ZNF704: variants seen among roughly 807,000 people sequenced by gnomAD.
The protein encoded by ZNF704 is glucocorticoid induced gene 1.
Under a neutral mutation model 44.7 loss-of-function variants are expected in ZNF704, and 10 were observed. The observed-to-expected ratio is 0.22, with a 90% confidence interval of 0.14 to 0.38. The LOEUF is 0.38. Among genes scored for constraint, ZNF704 ranks in the 10% least tolerant of loss-of-function variants. The probability of loss-of-function intolerance (pLI) is 1.00; values close to 1 mark genes in which losing one functional copy is unlikely to be tolerated. For synonymous variants in ZNF704, 211 were observed against 207.6 expected (o/e 1.02, Z -0.14); for missense variants, 390 against 545.5 (o/e 0.71, Z 2.84).
Position 80,816,446 on chromosome 8 carries a change from G to C in ZNF704, c.221+4928C>G, listed in dbSNP as rs113164609. On this transcript the variant is annotated intron_variant, in intron 2 of 8. Transcript: ENST00000327835. ...TATGAAATAAAATATTTTGGCAAAT[G>C]AATGAAGTACTGACACATGCTATCA... Among the ~76,000 whole-genome samples the C allele has an allele frequency of 3.7e-3, 566 of 152,272 alleles. 5 individuals carry two copies. Among genetic ancestry groups the C allele is most frequent in the African/African-American group, 0.013 (547 of 41,564 alleles).
intron 1 of ZNF704, among the ~76,000 whole-genome samples, chr8:80,826,828 T>C (rs1256175691): frequency 2.0e-5 from 3 of 152,122 alleles, no homozygotes; most frequent in Non-Finnish European, 4.4e-5. Flanking sequence ...AAAAACCACA[T>C]GATTATCTCA....
intron 2 of ZNF704, among the ~76,000 whole-genome samples, chr8:80,731,036 T>G (rs1806572596): frequency 6.6e-6 from 1 of 152,228 alleles, no homozygotes; most frequent in South Asian, 2.1e-4. Flanking sequence ...GATAATGGAT[T>G]AAACCCAATC....
intron 2 of ZNF704, among the ~76,000 whole-genome samples, chr8:80,699,552 G>A (rs888380876): frequency 1.3e-5 from 2 of 151,992 alleles, no homozygotes; most frequent in African/African-American, 2.4e-5. Flanking sequence ...TGTGGTGAAG[G>A]GTCATTTTTA....
intron 6 of ZNF704, among the ~76,000 whole-genome samples, chr8:80,662,135 A>G (rs575000693): frequency 3.9e-5 from 6 of 152,158 alleles, no homozygotes; most frequent in Non-Finnish European, 7.4e-5. Context: ...GAAAATGTTC[A>G]TGATATATTA....
chr8:80,778,308 C>T (rs1807449823), intron 2 of ZNF704, among the ~76,000 whole-genome samples: 1 of 152,044 alleles, frequency 6.6e-6, no homozygotes, highest in Non-Finnish European at 1.5e-5. Flanking sequence ...CAATGAGATA[C>T]CATCTCACAC....
At chr8:80,836,272 C>T (rs1300543326) in intron 1 of ZNF704, among the ~76,000 whole-genome samples, 1 of 152,182 alleles carries the variant, frequency 6.6e-6, no homozygotes, top group Non-Finnish European at 1.5e-5. Flanking sequence ...TTGAACATGC[C>T]AGGCATACCC....
At chr8:80,736,925 G>A (rs573320869) in intron 2 of ZNF704, among the ~76,000 whole-genome samples, 1 of 151,482 alleles carries the variant, frequency 6.6e-6, no homozygotes, top group East Asian at 1.9e-4. Context: ...CTAGGGCTTT[G>A]GGCCCTGGTG....
At position 80,687,243 on chromosome 8, in the gene ZNF704, T is replaced by C; in HGVS notation, c.541A>G (p.Ile181Val). Residue 181 changes from isoleucine to valine, a missense_variant, in exon 4 of 9, where the codon ATT (isoleucine) becomes GTT (valine). By Grantham distance (29) the Ile-to-Val change is conservative (BLOSUM62 3). Coordinates refer to ENST00000327835, the MANE Select transcript of ZNF704 (RefSeq NM_001033723.3). Reference sequence around the variant, plus strand: ...CCACCAACCTTTCTTTTCCTGGGAATGGGCTCGTCGAAGAGCAGGTTGCTG... The same window carrying C: ...CCACCAACCTTTCTTTTCCTGGGAACGGGCTCGTCGAAGAGCAGGTTGCTG... ...EASNLLFDEP[I>V]PRKRKNSMKV... 1 of 1,612,226 alleles carries C rather than the reference T, an allele frequency of 6.2e-7. No homozygotes were observed. Among genetic ancestry groups the C allele is most frequent in the Non-Finnish European group, 8.5e-7 (1 of 1,179,218 alleles).
intron 2 of ZNF704, among the ~76,000 whole-genome samples, chr8:80,711,634 A>G (rs537610887): frequency 2.1e-4 from 32 of 152,216 alleles, no homozygotes; most frequent in African/African-American, 7.5e-4. Context: ...CACCAGTGTG[A>G]CTGTTTTATA....
chr8:80,739,293 T>C lies in ZNF704; in HGVS notation c.222-46186A>G, dbSNP rs146659002. Among the ~76,000 whole-genome samples the C allele has an allele frequency of 4.7e-3, 716 of 152,328 alleles. 4 individuals are homozygous for C. Among genetic ancestry groups the C allele is most frequent in the Non-Finnish European group, 8.1e-3 (549 of 68,040 alleles). On this transcript the variant is annotated intron_variant, in intron 2 of 8. Transcript: ENST00000327835. ...ATCAGGTGCTCAGATGGCTCAGGGA[T>C]ATGTCCCACACTTGGTTAAATTGGA...
chr8:80,726,833 G>GCACACA (rs60158512), intron 2 of ZNF704, among the ~76,000 whole-genome samples: 7,288 of 147,656 alleles, frequency 0.049, 219 homozygotes, highest in Middle Eastern at 0.11. Context: ...ACACACACAT[G>GCACACA]CACACACACA....
At chr8:80,870,079 A>G (rs1214260791) in intron 1 of ZNF704, among the ~76,000 whole-genome samples, 1 of 152,184 alleles carries the variant, frequency 6.6e-6, no homozygotes, top group African/African-American at 2.4e-5. Context: ...AACTCAACCC[A>G]TGTAGCACCC....
intron 4 of ZNF704, among the ~76,000 whole-genome samples, chr8:80,681,988 T>C (rs1438808647): frequency 1.3e-5 from 2 of 152,240 alleles, no homozygotes; most frequent in Non-Finnish European, 2.9e-5. Flanking sequence ...CAATGCTGTA[T>C]GTACCATCAC....
intron 2 of ZNF704, among the ~76,000 whole-genome samples, chr8:80,740,113 G>C (rs1328155304): frequency 1.3e-5 from 2 of 152,178 alleles, no homozygotes; most frequent in African/African-American, 4.8e-5. Context: ...AGGGTCCTAG[G>C]ACAGGCAGTC....
At chr8:80,770,823 A>G (rs1189589107) in intron 2 of ZNF704, among the ~76,000 whole-genome samples, 1 of 152,134 alleles carries the variant, frequency 6.6e-6, no homozygotes, top group Non-Finnish European at 1.5e-5. Flanking sequence ...TTTTATGGTC[A>G]TACATTTTAT....
chr8:80,866,213 G>GA (rs999463610), intron 1 of ZNF704, among the ~76,000 whole-genome samples: 4 of 152,134 alleles, frequency 2.6e-5, no homozygotes, highest in African/African-American at 9.7e-5. Context: ...TGGTAGCTAA[G>GA]AAAAGGCTTT....
chr8:80,861,991 CTTTTTT>C (rs71266093), intron 1 of ZNF704, among the ~76,000 whole-genome samples: 5 of 92,950 alleles, frequency 5.4e-5, no homozygotes, highest in Non-Finnish European at 8.1e-5. Flanking sequence ...AAAAAATAAC[CTTTTTT>C]TTTTTTTTTT....
At chr8:80,760,779 G>A (rs949163226) in intron 2 of ZNF704, among the ~76,000 whole-genome samples, 3 of 151,876 alleles carry the variant, frequency 2.0e-5, no homozygotes, top group African/African-American at 7.3e-5. Context: ...CAGGAAACAT[G>A]ATGCTGGCAT....
chr8:80,709,218 GC>G (rs1483295845), intron 2 of ZNF704, among the ~76,000 whole-genome samples: 3 of 151,928 alleles, frequency 2.0e-5, no homozygotes, highest in Non-Finnish European at 2.9e-5. Context: ...GCCGAGGAAG[GC>G]AGATCACGAG....
Sources: gnomAD v4.1 joint callset for allele counts (sites outside exome capture counted in the v4.1 genomes callset) on GRCh38, gnomAD v4.1.1 for gene constraint, MANE v1.5 for transcripts, NCBI Gene and HGNC (gene_info 2026-07-23, HGNC 2026-07-21) for gene names.